Variants in PPARGC1A observed in about 807,000 individuals in gnomAD.
PPARGC1A encodes peroxisome proliferator-activated receptor gamma coactivator 1-alpha.
In PPARGC1A, 25 loss-of-function variants were observed where a neutral mutation model predicts 88.7. The ratio of observed to expected loss-of-function variants is 0.28; its 90% CI spans 0.21 to 0.39. PPARGC1A has a LOEUF of 0.39. Ranked by LOEUF, PPARGC1A falls within the 10% of genes least tolerant of loss-of-function variation. The pLI is 1.00. For synonymous variants in PPARGC1A, 363 were observed against 355.6 expected (o/e 1.02, Z -0.24); for missense variants, 880 against 968.7 (o/e 0.91, Z 1.22).
At chr4:23,855,335 A>T (rs1730007197) in intron 2 of PPARGC1A, among the ~76,000 whole-genome samples, 1 of 152,124 alleles carries the variant, frequency 6.6e-6, no homozygotes, top group Admixed American at 6.5e-5. Context: ...GGCTTTTACC[A>T]CTCAAGACTT....
At chr4:24,066,695 T>C in the PPARGC1A span, among the ~76,000 whole-genome samples, 1 of 152,044 alleles carries the variant, frequency 6.6e-6, no homozygotes, top group Non-Finnish European at 1.5e-5. Flanking sequence ...TGATAGACAC[T>C]TGGGAGCCAG....
At chr4:24,148,292 TG>T in the PPARGC1A span, among the ~76,000 whole-genome samples, 1 of 152,216 alleles carries the variant, frequency 6.6e-6, no homozygotes, top group South Asian at 2.1e-4. Context: ...CCTGTATCTT[TG>T]GCTCCTAAGG....
chr4:24,386,170 G>C, the PPARGC1A span, among the ~76,000 whole-genome samples: 1 of 152,052 alleles, frequency 6.6e-6, no homozygotes, highest in African/African-American at 2.4e-5. Context: ...ATGCAGAAAA[G>C]GCCTTCGATA....
chr4:23,953,443 A>T, the PPARGC1A span, among the ~76,000 whole-genome samples: 1 of 152,122 alleles, frequency 6.6e-6, no homozygotes, highest in Non-Finnish European at 1.5e-5. Flanking sequence ...TTATGGAACA[A>T]TGTTGGATTG....
the PPARGC1A span, among the ~76,000 whole-genome samples, chr4:24,151,122 C>A: frequency 6.6e-6 from 1 of 152,344 alleles, no homozygotes; most frequent in East Asian, 1.9e-4. Context: ...TGCCAGCCAG[C>A]ACCTTTTGCA....
At chr4:24,121,383 G>C in the PPARGC1A span, among the ~76,000 whole-genome samples, 4 of 152,162 alleles carry the variant, frequency 2.6e-5, no homozygotes, top group Non-Finnish European at 4.4e-5. Context: ...GCTCACTAGG[G>C]TCTCCATCTG....
chr4:24,246,244 A>G, the PPARGC1A span, among the ~76,000 whole-genome samples: 7 of 152,202 alleles, frequency 4.6e-5, no homozygotes, highest in Admixed American at 3.9e-4. Flanking sequence ...TCTTCCTACT[A>G]TAAAAAAACA....
At chr4:24,184,873 A>C in the PPARGC1A span, among the ~76,000 whole-genome samples, 28 of 152,152 alleles carry the variant, frequency 1.8e-4, no homozygotes, top group Non-Finnish European at 3.2e-4. Flanking sequence ...AAGCGGCAGA[A>C]AAGGAAGGAA....
At chr4:24,052,314 C>T in the PPARGC1A span, among the ~76,000 whole-genome samples, 3 of 152,088 alleles carry the variant, frequency 2.0e-5, no homozygotes, top group Non-Finnish European at 2.9e-5. Flanking sequence ...ATGACATGGC[C>T]TCTTAAGTAG....
At chr4:24,208,042 G>C in the PPARGC1A span, among the ~76,000 whole-genome samples, 2 of 152,132 alleles carry the variant, frequency 1.3e-5, no homozygotes, top group African/African-American at 4.8e-5. Context: ...ACTTTGAGAA[G>C]CTAAGGTGGG....
At chr4:23,958,092 A>AT in the PPARGC1A span, among the ~76,000 whole-genome samples, 1 of 152,096 alleles carries the variant, frequency 6.6e-6, no homozygotes, top group African/African-American at 2.4e-5. Flanking sequence ...AAGAAACAGT[A>AT]TTTTTTGGAG....
At chr4:24,190,841 C>A in the PPARGC1A span, among the ~76,000 whole-genome samples, 10 of 152,320 alleles carry the variant, frequency 6.6e-5, no homozygotes, top group Non-Finnish European at 1.2e-4. Context: ...CCATTTCCCA[C>A]CGCTGGTGGA....
the PPARGC1A span, among the ~76,000 whole-genome samples, chr4:23,990,863 A>T: frequency 6.6e-6 from 1 of 152,082 alleles, no homozygotes; most frequent in African/African-American, 2.4e-5. Context: ...GTCGAGTAGG[A>T]GAGAGAAAGA....
At chr4:24,051,616 G>A in the PPARGC1A span, among the ~76,000 whole-genome samples, 1 of 152,288 alleles carries the variant, frequency 6.6e-6, no homozygotes, top group African/African-American at 2.4e-5. Context: ...CACATTATCT[G>A]CTTTCTTAAA....
the PPARGC1A span, among the ~76,000 whole-genome samples, chr4:24,238,872 C>T: frequency 0.013 from 1,986 of 151,274 alleles, 21 homozygotes; most frequent in Non-Finnish European, 0.018. Context: ...CATGAACATG[C>T]TAAGTGTATC....
At chr4:24,002,419 C>G in the PPARGC1A span, among the ~76,000 whole-genome samples, 3 of 152,100 alleles carry the variant, frequency 2.0e-5, no homozygotes, top group African/African-American at 7.2e-5. Flanking sequence ...AGCCACTGCA[C>G]CCAGCCACAC....
At chr4:23,797,798 C>T (rs1717888269) in intron 12 of PPARGC1A, among the ~76,000 whole-genome samples, 1 of 152,154 alleles carries the variant, frequency 6.6e-6, no homozygotes, top group African/African-American at 2.4e-5. Flanking sequence ...TTCTCTCCCG[C>T]TAATGAAAGG....
At chr4:24,303,995 T>A in the PPARGC1A span, among the ~76,000 whole-genome samples, 8 of 152,324 alleles carry the variant, frequency 5.3e-5, no homozygotes, top group South Asian at 1.7e-3. Context: ...TTAACCAGTT[T>A]TATTGACAAA....
chr4:24,244,895 G>A, the PPARGC1A span, among the ~76,000 whole-genome samples: 1 of 152,150 alleles, frequency 6.6e-6, no homozygotes, highest in Non-Finnish European at 1.5e-5. Flanking sequence ...CTTCTATATT[G>A]AAAAGGGGAA....
Sources: gnomAD v4.1 joint callset for allele counts (sites outside exome capture counted in the v4.1 genomes callset) on GRCh38, gnomAD v4.1.1 for gene constraint, MANE v1.5 for transcripts, NCBI Gene and HGNC (gene_info 2026-07-23, HGNC 2026-07-21) for gene names.